Variants in KCNQ1 observed in about 807,000 individuals in gnomAD.
The protein encoded by KCNQ1 is potassium voltage-gated channel subfamily Q member 1.
KCNQ1 carries 49 observed loss-of-function variants against 72.4 expected under a neutral mutation model. The observed-to-expected ratio is 0.68, with a 90% CI of 0.54 to 0.86. The LOEUF is 0.86. Ranked by LOEUF, KCNQ1 falls within the 40% of genes least tolerant of loss-of-function variation. The probability of loss-of-function intolerance (pLI) is 0.00; values close to 1 mark genes in which losing one functional copy is unlikely to be tolerated. For synonymous variants in KCNQ1, 450 were observed against 412.6 expected (o/e 1.09, Z -1.10); for missense variants, 790 against 945.1 (o/e 0.84, Z 2.15).
intron 1 of KCNQ1, among the ~76,000 whole-genome samples, chr11:2,501,319 C>A (rs1164147120): frequency 1.1e-5 from 1 of 87,260 alleles, no homozygotes; most frequent in African/African-American, 4.3e-5. Flanking sequence ...ATCCAAGTAA[C>A]TAAAGTCAGA....
At chr11:2,553,145 T>G (rs1383659101) in intron 2 of KCNQ1, among the ~76,000 whole-genome samples, 1 of 148,034 alleles carries the variant, frequency 6.8e-6, no homozygotes, top group African/African-American at 2.6e-5. Context: ...TGTTCATCTG[T>G]TTTTGGGGTT....
chr11:2,621,448 C>G lies in KCNQ1; in HGVS notation c.1393+32594C>G. On this transcript the variant is annotated intron_variant, in intron 10 of 15. Transcript: ENST00000155840. The surrounding 1 kb of genome is among the most constrained non-coding windows in gnomAD (Gnocchi z 5.7). Reference sequence around the variant, plus strand: ...TCCTTATGGATTCTGGACATAGGACCTTTGCCAGATGAATAGTTTGCAAAT... The same window carrying G: ...TCCTTATGGATTCTGGACATAGGACGTTTGCCAGATGAATAGTTTGCAAAT... 2.5e-6 allele frequency: 1 copy of G among 398,526 alleles called. No individual in the cohort carries two copies. The highest frequency in any genetic ancestry group is 4.4e-5 in the Admixed American group (1 of 22,730). 24.7% of individuals were successfully genotyped at this position (398,526 alleles called of 1,614,324 possible).
chr11:2,575,618 G>A (rs1023244263), intron 6 of KCNQ1, among the ~76,000 whole-genome samples: 6 of 152,240 alleles, frequency 3.9e-5, no homozygotes, highest in East Asian at 1.9e-4. Context: ...TCACCCCACC[G>A]GGGAGTGAAG....
At chr11:2,551,135 C>G (rs1354420858) in intron 2 of KCNQ1, among the ~76,000 whole-genome samples, 3 of 152,160 alleles carry the variant, frequency 2.0e-5, no homozygotes, top group African/African-American at 7.2e-5. Context: ...AAGTTACATA[C>G]AGGAAAACTC....
intron 11 of KCNQ1, among the ~76,000 whole-genome samples, chr11:2,760,459 A>G (rs775223953): frequency 2.0e-5 from 3 of 152,154 alleles, no homozygotes; most frequent in Non-Finnish European, 2.9e-5. Flanking sequence ...GAGGAGATGA[A>G]TGAAGCGGGT....
intron 6 of KCNQ1, among the ~76,000 whole-genome samples, chr11:2,581,089 C>A (rs1848492264): frequency 6.6e-6 from 1 of 152,348 alleles, no homozygotes; most frequent in Middle Eastern, 3.4e-3. Context: ...CCCAAAAAAT[C>A]TGGATTAGAC....
Position 2,678,394 on chromosome 11 carries a change from T to C in KCNQ1, c.1514+16313T>C, listed in dbSNP as rs1850329785. 2.5e-6 allele frequency: 1 copy of C among 398,636 alleles called. No homozygotes were observed. Among genetic ancestry groups the C allele is most frequent in the Non-Finnish European group, 4.4e-6 (1 of 226,062 alleles). The allele number at this position is 398,636 out of a possible 1,614,324, so 24.7% of individuals were successfully genotyped here. A position where few individuals can be genotyped will look rare whatever the true frequency, so the allele number is the denominator to read the frequency against. ...TAAATCCAATTTGGTTTCCCATATATTTGTCCAGTTGTCCAACACTATTTA... is the reference window on the plus strand; with the variant it reads ...TAAATCCAATTTGGTTTCCCATATACTTGTCCAGTTGTCCAACACTATTTA... On this transcript the variant is annotated intron_variant, in intron 11 of 15. Transcript: ENST00000155840. The surrounding 1 kb of genome is among the most constrained non-coding windows in gnomAD (Gnocchi z 4.9).
intron 2 of KCNQ1, among the ~76,000 whole-genome samples, chr11:2,553,048 G>A (rs897507822): frequency 6.6e-6 from 1 of 152,010 alleles, no homozygotes; most frequent in African/African-American, 2.4e-5. Flanking sequence ...TTGTTGCTAG[G>A]ATATAGAAAT....
chr11:2,656,625 A>C (rs1225474493), intron 10 of KCNQ1: 1 of 398,358 alleles, frequency 2.5e-6, no homozygotes, highest in Admixed American at 4.4e-5. Flanking sequence ...CTATTAAGTC[A>C]TTTATATTTT....
At position 2,670,905 on chromosome 11, in the gene KCNQ1, G is replaced by A. The variant is rs1054162411; in HGVS notation, c.1514+8824G>A. On this transcript the variant is annotated intron_variant, in intron 11 of 15. Transcript: ENST00000155840. This position sits in a 1 kb window ranked among gnomAD's most constrained non-coding sequence, Gnocchi z 4.9. ...CCTCCTGGATTGCCTGGACAAGGCT[G>A]ACCTGCCCTCCCAGGATGCAAATTG... 1 of 398,556 alleles carries A rather than the reference G, an allele frequency of 2.5e-6. No homozygotes were observed. Among genetic ancestry groups the A allele is most frequent in the African/African-American group, 2.1e-5 (1 of 48,640 alleles). 24.7% of individuals were successfully genotyped at this position (398,556 alleles called of 1,614,324 possible).
intron 11 of KCNQ1, among the ~76,000 whole-genome samples, chr11:2,719,107 C>A (rs1039764371): frequency 7.2e-5 from 11 of 152,176 alleles, no homozygotes; most frequent in Admixed American, 1.3e-4. Context: ...CCGCAGAGCA[C>A]CATCTCCAGC....
At chr11:2,681,740 C>G (rs918108486) in intron 11 of KCNQ1, 1 of 397,764 alleles carries the variant, frequency 2.5e-6, no homozygotes, top group Non-Finnish European at 4.4e-6. Context: ...GGGCACTGAT[C>G]ACACACCAGG....
chr11:2,588,655 C>A lies in KCNQ1; in HGVS notation c.1252-58C>A. Reference sequence around the variant, plus strand: ...GGCTGCACAGGCACTCTGGGGCCGGCGTAGGGCCTGGCAGACGATGTCCAG... The same window carrying A: ...GGCTGCACAGGCACTCTGGGGCCGGAGTAGGGCCTGGCAGACGATGTCCAG... On this transcript the variant is annotated intron_variant, in intron 9 of 15. Coordinates refer to ENST00000155840, the MANE Select transcript of KCNQ1 (RefSeq NM_000218.3). This position sits in a 1 kb window ranked among gnomAD's most constrained non-coding sequence, Gnocchi z 5.6. 10 of 1,604,136 alleles carry A rather than the reference C, an allele frequency of 6.2e-6. No individual in the cohort carries two copies. Among genetic ancestry groups the A allele is most frequent in the Non-Finnish European group, 8.5e-6 (10 of 1,175,492 alleles).
chr11:2,561,854 G>T (rs765530577), intron 2 of KCNQ1, among the ~76,000 whole-genome samples: 22 of 152,204 alleles, frequency 1.4e-4, no homozygotes, highest in Admixed American at 4.6e-4. Flanking sequence ...CCTTGGGCGG[G>T]CAGGGCCTTG....
rs36090171 is a variant in KCNQ1, at chr11:2,762,774, TG to T, written c.1515-6068del. On this transcript the variant is annotated intron_variant, in intron 11 of 15. Transcript: ENST00000155840. The surrounding 1 kb of genome is among the most constrained non-coding windows in gnomAD (Gnocchi z 4.3). ...GAATCTAATGCCTGCTGGTCTGAAC[TG>T]GAACAGTTTCATCCTGAAACCATCT... Among the ~76,000 whole-genome samples the T allele has an allele frequency of 1.3e-5, 2 of 152,240 alleles. No homozygotes were observed. Among genetic ancestry groups the T allele is most frequent in the Non-Finnish European group, 2.9e-5 (2 of 68,046 alleles).
intron 15 of KCNQ1, among the ~76,000 whole-genome samples, chr11:2,837,386 CGCTCCGCGCT>C (rs1848092985): frequency 6.6e-6 from 1 of 152,080 alleles, no homozygotes; most frequent in South Asian, 2.1e-4. Flanking sequence ...CAGGAGAGCC[CGCTCCGCGCT>C]CACAGCCTCC....
rs571665588 is a variant in KCNQ1 at position 2,482,845 on chromosome 11, G to T, written c.386+37361G>T. 5.3e-5 allele frequency among the ~76,000 whole-genome samples: 8 copies of T among 150,946 alleles called. No homozygotes were observed. In the East Asian group the frequency reaches 1.5e-3, roughly 29 times the overall value. ...CCTGCAGCAGCAAGACTGTCATCTA[G>T]GTTGTTGGGGAAACCAGGAGTGAGT... On this transcript the variant is annotated intron_variant, in intron 1 of 15. Transcript: ENST00000155840. The surrounding 1 kb of genome is among the most constrained non-coding windows in gnomAD (Gnocchi z 5.7).
Position 2,613,517 on chromosome 11 carries a change from A to AT in KCNQ1, c.1393+24664dup, listed in dbSNP as rs1170938754. The AT allele has an allele frequency of 7.5e-6, 3 of 398,414 alleles. No homozygotes were observed. The highest frequency in any genetic ancestry group is 1.3e-5 in the Non-Finnish European group (3 of 226,030). 24.7% of individuals were successfully genotyped at this position (398,414 alleles called of 1,614,324 possible). ...CGTGCCCCTGAGCTTGGGTGGGGAG[A>AT]TGGCAGCCCCACGTTAAATCATAAC... On this transcript the variant is annotated intron_variant, in intron 10 of 15. Transcript: ENST00000155840. This position sits in a 1 kb window ranked among gnomAD's most constrained non-coding sequence, Gnocchi z 4.8.
rs1276420691 is a variant in KCNQ1 at position 2,711,356 on chromosome 11, C to T, written c.1514+49275C>T. ...GCTTCTGGTAATGCTTCTTTGTGGT[C>T]TCCTGTCTTGCGCACTAATTGTTGC... On this transcript the variant is annotated intron_variant, in intron 11 of 15. Coordinates refer to ENST00000155840, the MANE Select transcript of KCNQ1 (RefSeq NM_000218.3). This position sits in a 1 kb window ranked among gnomAD's most constrained non-coding sequence, Gnocchi z 5.4. 1.3e-5 allele frequency among the ~76,000 whole-genome samples: 2 copies of T among 152,204 alleles called. No homozygotes were observed. Among genetic ancestry groups the T allele is most frequent in the Non-Finnish European group, 1.5e-5 (1 of 68,024 alleles).
Sources: gnomAD v4.1 joint callset for allele counts (sites outside exome capture counted in the v4.1 genomes callset) on GRCh38, gnomAD v4.1.1 for gene constraint, Gnocchi (gnomAD v3.1) non-coding constraint, MANE v1.5 for transcripts, NCBI Gene and HGNC (gene_info 2026-07-23, HGNC 2026-07-21) for gene names.